Variants in OPCML observed in about 807,000 individuals in gnomAD.
OPCML encodes the protein opioid binding protein/cell adhesion molecule like, also known as opioid-binding protein/cell adhesion molecule.
Under a neutral mutation model 37.8 loss-of-function variants are expected in OPCML, and 13 were observed. The ratio of observed to expected loss-of-function variants is 0.34; its 90% CI spans 0.22 to 0.55. OPCML has a LOEUF of 0.55. Ranked by LOEUF, OPCML falls within the 20% of genes least tolerant of loss-of-function variation. OPCML has a pLI of 0.91. For synonymous variants in OPCML, 176 were observed against 168.8 expected (o/e 1.04, Z -0.33); for missense variants, 341 against 435.6 (o/e 0.78, Z 1.93).
At chr11:132,599,963 T>C (rs1174450864) in intron 3 of OPCML, among the ~76,000 whole-genome samples, 2 of 152,178 alleles carry the variant, frequency 1.3e-5, no homozygotes, top group African/African-American at 4.8e-5. Flanking sequence ...TATTTTGCCT[T>C]CAAATGAAAT....
intron 4 of OPCML, among the ~76,000 whole-genome samples, chr11:132,483,807 G>T (rs986432818): frequency 1.3e-5 from 2 of 151,498 alleles, no homozygotes; most frequent in African/African-American, 4.9e-5. Flanking sequence ...ACAAAAACAA[G>T]CAATGGGGAA....
intron 2 of OPCML, among the ~76,000 whole-genome samples, chr11:132,796,568 T>C (rs1214145304): frequency 9.1e-5 from 5 of 55,114 alleles, no homozygotes; most frequent in Non-Finnish European, 1.8e-4. Flanking sequence ...CTTCTTTCTT[T>C]TTTTTTTTTT....
At chr11:132,508,048 GA>G (rs926719475) in intron 4 of OPCML, among the ~76,000 whole-genome samples, 1 of 152,106 alleles carries the variant, frequency 6.6e-6, no homozygotes, top group African/African-American at 2.4e-5. Context: ...GGAGCTCTCT[GA>G]AACCATCATC....
At chr11:132,436,546 T>A in intron 6 of OPCML, 113 bp downstream of exon 6, 1 of 1,511,286 alleles carries the variant, frequency 6.6e-7, no homozygotes, top group Non-Finnish European at 8.9e-7. Flanking sequence ...GAGGGCATAG[T>A]ATATTTCTGT....
chr11:132,469,926 G>A (rs559222068), intron 4 of OPCML, among the ~76,000 whole-genome samples: 1 of 147,830 alleles, frequency 6.8e-6, no homozygotes, highest in Admixed American at 6.8e-5. Flanking sequence ...GTGTATGTGT[G>A]TGGGGGGAGT....
At chr11:132,883,815 C>T (rs553916618) in intron 2 of OPCML, among the ~76,000 whole-genome samples, 2 of 152,290 alleles carry the variant, frequency 1.3e-5, no homozygotes, top group South Asian at 2.1e-4. Context: ...AGGGAGATTT[C>T]GCAAATTGCC....
chr11:133,240,828 G>T (rs1940702604), intron 1 of OPCML, among the ~76,000 whole-genome samples: 2 of 152,134 alleles, frequency 1.3e-5, no homozygotes, highest in South Asian at 4.1e-4. Flanking sequence ...TTAATTTCAA[G>T]GAACTAGAAA....
chr11:133,402,181 T>C (rs976041681), intron 1 of OPCML, among the ~76,000 whole-genome samples: 4 of 152,144 alleles, frequency 2.6e-5, no homozygotes, highest in African/African-American at 9.7e-5. Context: ...TCTGTCTGCA[T>C]TGTCCCATGC....
chr11:133,422,708 T>C lies in OPCML; in HGVS notation c.61+109556A>G, dbSNP rs2136898398. 3.1e-6 allele frequency: 3 copies of C among 982,552 alleles called. No individual in the cohort carries two copies. In the Admixed American group the frequency reaches 1.8e-4, roughly 60 times the overall value. 60.9% of individuals were successfully genotyped at this position (982,552 alleles called of 1,614,324 possible). On this transcript the variant is annotated intron_variant, in intron 1 of 7. Transcript: ENST00000524381. The stretch of plus-strand genomic sequence containing the variant: ...GTCATGAGGAAATATATGCAAACAC[T>C]CTCAAACTTTCTCATATTTCCAGTC...
At chr11:133,011,264 C>T (rs749271824) in intron 1 of OPCML, among the ~76,000 whole-genome samples, 2 of 152,174 alleles carry the variant, frequency 1.3e-5, no homozygotes, top group Non-Finnish European at 2.9e-5. Context: ...GCAGTACATA[C>T]AGAGGACCTG....
At chr11:133,266,826 G>A (rs749229837) in intron 1 of OPCML, among the ~76,000 whole-genome samples, 2 of 152,128 alleles carry the variant, frequency 1.3e-5, no homozygotes, top group Admixed American at 6.6e-5. Flanking sequence ...TATTGCTTTC[G>A]ATTAGAATCC....
chr11:132,976,111 A>G (rs980761735), intron 1 of OPCML, among the ~76,000 whole-genome samples: 1 of 152,110 alleles, frequency 6.6e-6, no homozygotes, highest in Non-Finnish European at 1.5e-5. Flanking sequence ...GTCCAACATA[A>G]GGTGTTACTT....
intron 1 of OPCML, among the ~76,000 whole-genome samples, chr11:133,471,268 AC>A (rs1947107035): frequency 6.6e-6 from 1 of 152,224 alleles, no homozygotes; most frequent in Non-Finnish European, 1.5e-5. Context: ...TTTTGGAGAA[AC>A]AGAAGAATGG....
At chr11:132,542,874 C>T (rs2096360273) in intron 3 of OPCML, among the ~76,000 whole-genome samples, 1 of 152,166 alleles carries the variant, frequency 6.6e-6, no homozygotes, top group Non-Finnish European at 1.5e-5. Flanking sequence ...CTTTGTGCTG[C>T]CAAGATTAGA....
chr11:133,131,526 A>AG (rs1949603698), intron 1 of OPCML, among the ~76,000 whole-genome samples: 1 of 152,220 alleles, frequency 6.6e-6, no homozygotes, highest in Non-Finnish European at 1.5e-5. Flanking sequence ...AATGTTGACA[A>AG]GGATGTGAAG....
chr11:133,264,056 G>A (rs544667179), intron 1 of OPCML, among the ~76,000 whole-genome samples: 16 of 152,062 alleles, frequency 1.1e-4, no homozygotes, highest in Admixed American at 6.6e-4. Context: ...TCTGAAAAAC[G>A]ATTAAAAAAT....
intron 4 of OPCML, among the ~76,000 whole-genome samples, chr11:132,486,256 C>T (rs1293640330): frequency 2.0e-5 from 3 of 152,228 alleles, no homozygotes; most frequent in Middle Eastern, 3.4e-3. Context: ...TGACAGCATA[C>T]GTGTCACCCA....
At chr11:133,308,027 C>A (rs1447300683) in intron 1 of OPCML, among the ~76,000 whole-genome samples, 1 of 151,934 alleles carries the variant, frequency 6.6e-6, no homozygotes, top group Non-Finnish European at 1.5e-5. Flanking sequence ...GAGATAAGAG[C>A]CAGATTGTGA....
chr11:133,281,189 A>G (rs958739641), intron 1 of OPCML, among the ~76,000 whole-genome samples: 1 of 152,142 alleles, frequency 6.6e-6, no homozygotes, highest in Admixed American at 6.5e-5. Context: ...ATATGGTGAT[A>G]TGGTTTGGAT....
Sources: gnomAD v4.1 joint callset for allele counts (sites outside exome capture counted in the v4.1 genomes callset) on GRCh38, gnomAD v4.1.1 for gene constraint, MANE v1.5 for transcripts, NCBI Gene and HGNC (gene_info 2026-07-23, HGNC 2026-07-21) for gene names.